GPR158: variants seen among roughly 807,000 people sequenced by gnomAD.
GPR158 encodes the protein G protein-coupled receptor 158.
A neutral mutation model predicts 78.2 loss-of-function variants in GPR158; 30 were observed. The ratio of observed to expected loss-of-function variants is 0.38; its 90% CI spans 0.29 to 0.52. The LOEUF (loss-of-function observed/expected upper bound fraction) is 0.52. GPR158 is among the 20% of genes least tolerant of loss of function. The pLI is 0.83. For synonymous variants in GPR158, 581 were observed against 591.1 expected (o/e 0.98, Z 0.25); for missense variants, 1,463 against 1,523.5 (o/e 0.96, Z 0.66).
At chr10:25,184,862 T>G (rs1852659509) in intron 1 of GPR158, among the ~76,000 whole-genome samples, 1 of 152,204 alleles carries the variant, frequency 6.6e-6, no homozygotes, top group African/African-American at 2.4e-5. Context: ...TCCCGTCAAT[T>G]GCTTGGAATA....
chr10:25,520,495 C>A (rs1564478084), intron 5 of GPR158, among the ~76,000 whole-genome samples: 2 of 149,982 alleles, frequency 1.3e-5, no homozygotes, highest in South Asian at 4.2e-4. Context: ...TTTTCCCCAT[C>A]TTTGTGGTTT....
At chr10:25,546,960 C>A (rs541458429) in intron 5 of GPR158, among the ~76,000 whole-genome samples, 38 of 152,100 alleles carry the variant, frequency 2.5e-4, no homozygotes, top group Non-Finnish European at 2.1e-4. Context: ...GATCAGCTAG[C>A]TCCAAGTGTG....
At chr10:25,208,202 C>CACATTTTAATA (rs1158158604) in intron 1 of GPR158, among the ~76,000 whole-genome samples, 5 of 152,140 alleles carry the variant, frequency 3.3e-5, no homozygotes, top group African/African-American at 1.2e-4. Flanking sequence ...ATTGATTTTT[C>CACATTTTAATA]ACATTTTAAT....
intron 4 of GPR158, among the ~76,000 whole-genome samples, chr10:25,464,669 G>A (rs1835398839): frequency 6.6e-6 from 1 of 152,202 alleles, no homozygotes; most frequent in African/African-American, 2.4e-5. Flanking sequence ...TAACTCCAAA[G>A]TCTGTCTTCT....
intron 1 of GPR158, among the ~76,000 whole-genome samples, chr10:25,188,248 C>T (rs573791631): frequency 3.9e-5 from 6 of 152,130 alleles, no homozygotes; most frequent in Non-Finnish European, 7.4e-5. Context: ...CCATCAAGCT[C>T]CCAATGACTT....
chr10:25,279,615 A>G (rs1333487356), intron 2 of GPR158, among the ~76,000 whole-genome samples: 1 of 152,146 alleles, frequency 6.6e-6, no homozygotes, highest in Non-Finnish European at 1.5e-5. Flanking sequence ...AAGGAACAGC[A>G]TGTTTTATGA....
At position 25,182,586 on chromosome 10, in the gene GPR158, G is replaced by T. The variant is rs189246351; in HGVS notation, c.902+6264G>T. Among the ~76,000 whole-genome samples, 329 of 152,254 alleles carry T rather than the reference G, an allele frequency of 2.2e-3. 1 individual carries two copies. Among genetic ancestry groups the T allele is most frequent in the Admixed American group, 2.8e-3 (43 of 15,298 alleles). ...CTTACTGTCTGGAGAGATAACTGAGGCTCTCACCAGACTGATTTTCCAGCC... is the reference window on the plus strand; with the variant it reads ...CTTACTGTCTGGAGAGATAACTGAGTCTCTCACCAGACTGATTTTCCAGCC... On this transcript the variant is annotated intron_variant, in intron 1 of 10. Transcript: ENST00000376351.
At chr10:25,469,783 CAAAAAAAAAAAA>C (rs34432893) in intron 5 of GPR158, among the ~76,000 whole-genome samples, 3 of 47,362 alleles carry the variant, frequency 6.3e-5, no homozygotes, top group Non-Finnish European at 1.2e-4. Context: ...GACTCCATCT[CAAAAAAAAAAAA>C]AAAAAAAAAA....
intron 5 of GPR158, among the ~76,000 whole-genome samples, chr10:25,522,949 A>G (rs1045690666): frequency 6.2e-5 from 9 of 144,718 alleles, no homozygotes; most frequent in Admixed American, 2.0e-4. Context: ...TTAAACTTAA[A>G]AAAAGTAAAA....
At chr10:25,521,013 C>T (rs557430517) in intron 5 of GPR158, among the ~76,000 whole-genome samples, 12 of 152,058 alleles carry the variant, frequency 7.9e-5, no homozygotes, top group South Asian at 6.2e-4. Context: ...TAGCAATCAG[C>T]GAGACTCTGT....
chr10:25,305,262 T>C (rs1854656166), intron 2 of GPR158, among the ~76,000 whole-genome samples: 1 of 152,166 alleles, frequency 6.6e-6, no homozygotes, highest in Non-Finnish European at 1.5e-5. Context: ...AAGGATTCCT[T>C]CCCAGACACT....
chr10:25,423,286 T>C (rs766695543), intron 4 of GPR158, among the ~76,000 whole-genome samples: 5 of 152,018 alleles, frequency 3.3e-5, no homozygotes, highest in African/African-American at 9.7e-5. Flanking sequence ...TGTGCTGCTA[T>C]AAACATGCAT....
At chr10:25,557,513 C>T (rs762457887) in intron 6 of GPR158, among the ~76,000 whole-genome samples, 18 of 152,192 alleles carry the variant, frequency 1.2e-4, no homozygotes, top group Admixed American at 2.6e-4. Flanking sequence ...AGATAGTTCC[C>T]TCTGCTCATT....
intron 2 of GPR158, among the ~76,000 whole-genome samples, chr10:25,289,130 A>G (rs1433976075): frequency 6.6e-6 from 1 of 152,202 alleles, no homozygotes; most frequent in Non-Finnish European, 1.5e-5. Flanking sequence ...TGCATGGTGT[A>G]TGAAGATCAT....
At chr10:25,498,846 G>A (rs4749040) in intron 5 of GPR158, among the ~76,000 whole-genome samples, 83,999 of 151,928 alleles carry the variant, frequency 0.55, 25,046 homozygotes, top group African/African-American at 0.79. Context: ...GGTGCTGGAT[G>A]GCACAGCTGT....
chr10:25,315,879 G>T (rs1036181969), intron 2 of GPR158, among the ~76,000 whole-genome samples: 4 of 151,946 alleles, frequency 2.6e-5, no homozygotes, highest in Non-Finnish European at 5.9e-5. Flanking sequence ...GATTTTAATT[G>T]TTTCCTTTGA....
intron 5 of GPR158, among the ~76,000 whole-genome samples, chr10:25,475,035 T>C (rs148126057): frequency 6.6e-6 from 1 of 152,140 alleles, no homozygotes; most frequent in Non-Finnish European, 1.5e-5. Flanking sequence ...GTAGAAGAAT[T>C]GTAAAGCTTC....
At chr10:25,253,089 G>C (rs541646133) in intron 2 of GPR158, among the ~76,000 whole-genome samples, 9 of 145,974 alleles carry the variant, frequency 6.2e-5, no homozygotes, top group African/African-American at 2.3e-4. Context: ...AGGTGCGTCC[G>C]TCACCCCTTT....
At chr10:25,429,578 T>G (rs557033431) in intron 4 of GPR158, among the ~76,000 whole-genome samples, 11 of 152,256 alleles carry the variant, frequency 7.2e-5, no homozygotes, top group Admixed American at 1.3e-4. Flanking sequence ...ACTGGGCTTT[T>G]GAAATGCAAG....
Sources: gnomAD v4.1 joint callset for allele counts (sites outside exome capture counted in the v4.1 genomes callset) on GRCh38, gnomAD v4.1.1 for gene constraint, MANE v1.5 for transcripts, NCBI Gene and HGNC (gene_info 2026-07-23, HGNC 2026-07-21) for gene names.